The following TMEM62 variants were observed in gnomAD, a reference collection of about 807,000 sequenced individuals.
TMEM62 encodes the protein transmembrane protein 62.
Under a neutral mutation model 70.4 loss-of-function variants are expected in TMEM62, and 41 were observed. The observed-to-expected ratio is 0.58, with a 90% CI of 0.45 to 0.76. The LOEUF is 0.76. Among genes scored for constraint, TMEM62 ranks in the 30% least tolerant of loss-of-function variants. The pLI, the probability that TMEM62 is intolerant of heterozygous loss-of-function variation, is 0.00. For synonymous variants in TMEM62, 268 were observed against 291.0 expected, an observed-to-expected ratio of 0.92 and a Z score of 0.80; for missense variants, 688 against 788.5, an observed-to-expected ratio of 0.87 and a Z score of 1.53.
At chr15:43,136,006 C>T (rs557443745) in intron 3 of TMEM62, among the ~76,000 whole-genome samples, 2 of 152,224 alleles carry the variant, frequency 1.3e-5, no homozygotes, top group East Asian at 1.9e-4. Context: ...TTAGGTATTT[C>T]TCCTAATGCT....
chr15:43,184,512 C>G lies in TMEM62; in HGVS notation c.1858C>G (p.Arg620Gly). 6.2e-7 allele frequency: 1 copy of G among 1,613,694 alleles called. No individual in the cohort carries two copies. Among genetic ancestry groups the G allele is most frequent in the African/African-American group, 1.3e-5 (1 of 75,048 alleles). The stretch of plus-strand genomic sequence containing the variant: ...GACACTGCTGACACCTGTTCTCATT[C>G]GTTATGTGTGGACACTGAACTCCAC... ...WLTLLTPVLI[R>G]YVWTLNSTKF... The change falls in exon 14 of 14, where the codon CGT (arginine) becomes GGT (glycine). Residue 620 changes from arginine to glycine, a missense_variant. By Grantham distance (125) the Arg-to-Gly change is moderately radical (BLOSUM62 -2). Transcript: ENST00000260403.
At chr15:43,169,909 G>A (rs1295041392) in intron 11 of TMEM62, 3 of 374,072 alleles carry the variant, frequency 8.0e-6, no homozygotes, top group African/African-American at 6.3e-5. Context: ...ATACATGGAA[G>A]GTATGCATTG....
intron 12 of TMEM62, 61 bp from the exon 13 acceptor site, chr15:43,181,115 CATGAT>C: frequency 9.9e-7 from 1 of 1,010,292 alleles, no homozygotes; most frequent in Non-Finnish European, 1.6e-6. Context: ...AAATGTATCT[CATGAT>C]ATATGTAATC....
rs750408499 is a variant in TMEM62 at position 43,134,251 on chromosome 15, C to A, written c.181-6C>A. 1 of 1,613,192 alleles carries A rather than the reference C, an allele frequency of 6.2e-7. No individual in the cohort carries two copies. Among genetic ancestry groups the A allele is most frequent in the Non-Finnish European group, 8.5e-7 (1 of 1,179,204 alleles). On this transcript the variant is annotated splice_region_variant and splice_polypyrimidine_tract_variant and intron_variant, in intron 1 of 13. Transcript: ENST00000260403. ...GATCTCTCTGTTCAATACCTGTTTT[C>A]GGCAGATATCCGACATTCACCTGAG...
In TMEM62 at chr15:43,151,878, A is replaced by G. The variant is rs1310455729; in HGVS notation, c.955A>G (p.Lys319Glu). ...KWPVVLITNP[K>E]SLLYSCGEHE... ...GCCTGTGGTTCTTATCACCAATCCT[A>G]AATCACTCCTTTATAGTTGTGGTGA... Residue 319 changes from lysine (K) to glutamate (E), a missense_variant, in exon 8 of 14, where the codon AAA becomes GAA. Physicochemically the swap from Lys to Glu is moderately conservative, Grantham distance 56. Coordinates refer to ENST00000260403, the MANE Select transcript of TMEM62 (RefSeq NM_024956.4). 1 of 1,613,878 alleles carries G rather than the reference A, an allele frequency of 6.2e-7. No homozygotes were observed. The highest frequency in any genetic ancestry group is 1.3e-5 in the African/African-American group (1 of 75,034).
At chr15:43,169,350 C>G (rs1257717995) in intron 10 of TMEM62, among the ~76,000 whole-genome samples, 2 of 152,162 alleles carry the variant, frequency 1.3e-5, no homozygotes, top group Admixed American at 6.5e-5. Flanking sequence ...CACTCTAGAG[C>G]TGTTTTAGGA....
At chr15:43,138,443 G>A (rs2035536287) in intron 3 of TMEM62, 131 bp from the exon 4 acceptor site, 8 of 698,078 alleles carry the variant, frequency 1.1e-5, no homozygotes, top group Admixed American at 5.6e-5. Context: ...TAAATGGAAC[G>A]GCTCTACCCT....
At chr15:43,148,962 C>A in intron 6 of TMEM62, 67 bp from the exon 7 acceptor site, 4 of 1,602,586 alleles carry the variant, frequency 2.5e-6, no homozygotes, top group Non-Finnish European at 3.4e-6. Context: ...TCTGGCAAGA[C>A]ATTTTTATTA....
At position 43,184,622 on chromosome 15, in the gene TMEM62, C is replaced by T. The variant is rs770632333; in HGVS notation, c.*36C>T. On this transcript the variant is annotated 3_prime_UTR_variant, in exon 14 of 14. Transcript: ENST00000260403. ...TCACCACTGGCAGCTGGGCAGAAGC[C>T]CAGCCTCTGTGTCTGTAGCCCAGGC... 6.3e-7 allele frequency: 1 copy of T among 1,584,344 alleles called. No individual in the cohort carries two copies. Among genetic ancestry groups the T allele is most frequent in the South Asian group, 1.1e-5 (1 of 89,992 alleles).
chr15:43,135,112 T>A (rs886500078), intron 2 of TMEM62, among the ~76,000 whole-genome samples: 1 of 152,246 alleles, frequency 6.6e-6, no homozygotes, highest in Non-Finnish European at 1.5e-5. Context: ...TAATACTTGG[T>A]CAAATCACAT....
chr15:43,169,704 T>A (rs778331204), intron 11 of TMEM62, 27 bp downstream of exon 11: 6 of 1,585,530 alleles, frequency 3.8e-6, no homozygotes, highest in Non-Finnish European at 5.2e-6. Flanking sequence ...TTTATTCCTA[T>A]AAGCCTTGTT....
rs71431882 is a variant in TMEM62, at chr15:43,153,658, TTGTGTGTG to T, written c.1023-992_1023-985del. On this transcript the variant is annotated intron_variant, in intron 8 of 13. Transcript: ENST00000260403. ...AGGCTGAATAATGTTCCATTGTACATTGTGTGTGTGTGTGTGTGTGTGTGTGTGTATAT... is the reference window on the plus strand; with the variant it reads ...AGGCTGAATAATGTTCCATTGTACATTGTGTGTGTGTGTGTGTGTGTATAT... 3.7e-4 allele frequency among the ~76,000 whole-genome samples: 56 copies of T among 149,362 alleles called. 1 individual carries two copies. The highest frequency in any genetic ancestry group is 1.2e-3 in the East Asian group (6 of 5,034).
In TMEM62 at chr15:43,140,851, GC is replaced by G. The variant is rs2035905771; in HGVS notation, c.476+2235del. On this transcript the variant is annotated intron_variant, in intron 4 of 13. Transcript: ENST00000260403. ...CAACATTGATGGCATCCAAACCCGC[GC>G]CCGGCTTCTGATATCAGCAGATCTG... Among the ~76,000 whole-genome samples, 5 of 152,286 alleles carry G rather than the reference GC, an allele frequency of 3.3e-5. No homozygotes were observed. In the South Asian group the frequency reaches 1.0e-3, roughly 32 times the overall value.
intron 10 of TMEM62, among the ~76,000 whole-genome samples, chr15:43,169,379 A>T (rs187074234): frequency 1.1e-3 from 168 of 152,304 alleles, no homozygotes; most frequent in Admixed American, 3.1e-3. Context: ...CAAAATCCAA[A>T]TGTTATAACA....
At chr15:43,174,434 A>T (rs1179241895) in intron 11 of TMEM62, among the ~76,000 whole-genome samples, 1 of 152,234 alleles carries the variant, frequency 6.6e-6, no homozygotes, top group African/African-American at 2.4e-5. Context: ...TCTACGAAAA[A>T]GTTCAAGAAG....
At chr15:43,176,036 G>A (rs1192204232) in intron 11 of TMEM62, among the ~76,000 whole-genome samples, 9 of 152,218 alleles carry the variant, frequency 5.9e-5, no homozygotes, top group African/African-American at 1.4e-4. Flanking sequence ...ATTATATCCC[G>A]CACCTGGCTT....
intron 7 of TMEM62, 103 bp downstream of exon 7, chr15:43,149,254 CTTGTGATAT>C: frequency 8.0e-7 from 1 of 1,253,956 alleles, no homozygotes; most frequent in Non-Finnish European, 1.1e-6. Context: ...TAAAGAAAAA[CTTGTGATAT>C]TTCTGTTTTT....
Position 43,138,563 on chromosome 15 carries a change from T to C in TMEM62, c.431-11T>C. 6.3e-7 allele frequency: 1 copy of C among 1,578,608 alleles called. No homozygotes were observed. Among genetic ancestry groups the C allele is most frequent in the Non-Finnish European group, 8.6e-7 (1 of 1,159,752 alleles). ...GGATGAATGTTTGCTTTTTTTTTTTTTTTAAATTAGATGCATTCAATATTC... is the reference window on the plus strand; with the variant it reads ...GGATGAATGTTTGCTTTTTTTTTTTCTTTAAATTAGATGCATTCAATATTC... On this transcript the variant is annotated splice_polypyrimidine_tract_variant and intron_variant, in intron 3 of 13. Transcript: ENST00000260403.
chr15:43,136,557 G>T (rs550295472), intron 3 of TMEM62, among the ~76,000 whole-genome samples: 1 of 151,732 alleles, frequency 6.6e-6, no homozygotes, highest in South Asian at 2.1e-4. Context: ...CGATTCCCCT[G>T]CCTCAACCTC....
Sources: allele counts gnomAD v4.1 joint callset (sites outside exome capture counted in the v4.1 genomes callset), GRCh38; gene constraint gnomAD v4.1.1; transcripts MANE v1.5; gene names NCBI Gene and HGNC (gene_info 2026-07-23, HGNC 2026-07-21).